Variants in LRRC41 observed in about 807,000 individuals in gnomAD.
LRRC41 encodes leucine-rich repeat-containing protein 41.
A neutral mutation model predicts 72.1 loss-of-function variants in LRRC41; 17 were observed. The ratio of observed to expected loss-of-function variants is 0.24; its 90% CI spans 0.16 to 0.35. The LOEUF (loss-of-function observed/expected upper bound fraction) is 0.35. LRRC41 is among the 10% of genes least tolerant of loss of function. The pLI, the probability that LRRC41 is intolerant of heterozygous loss-of-function variation, is 1.00. For missense variants in LRRC41, 759 were observed against 1,065.0 expected (o/e 0.71, Z 4.00); for synonymous variants, 427 against 431.0 (o/e 0.99, Z 0.11).
chr1:46,297,709 C>CA, intron 2 of LRRC41, 76 bp from the exon 3 acceptor site: 1 of 1,107,888 alleles, frequency 9.0e-7, no homozygotes, highest in South Asian at 1.2e-5. Flanking sequence ...ATGTTGTCTT[C>CA]TGGGTTCACA....
In LRRC41 at chr1:46,285,997, C is replaced by G. The variant is rs564058071; in HGVS notation, c.860G>C (p.Arg287Pro). ...RDEGSLLLGSRRPRRDAAERC... is the reference protein window; with the variant it reads ...RDEGSLLLGSPRPRRDAAERC... Reference sequence around the variant, plus strand: ...CTCAGCAGCATCCCGGCGGGGCCGACGTGAGCCCAATAAGAGGGACCCTTC... The same window carrying G: ...CTCAGCAGCATCCCGGCGGGGCCGAGGTGAGCCCAATAAGAGGGACCCTTC... Residue 287 changes from arginine (R) to proline (P), a missense_variant, in exon 4 of 10, where the codon CGT becomes CCT. This residue lies in a region of LRRC41 where 427 missense variants were observed against 520.9 expected (regional missense o/e 0.82). Coordinates refer to ENST00000617190, the MANE Select transcript of LRRC41 (RefSeq NM_006369.5). The surrounding 1 kb of genome is among the most constrained non-coding windows in gnomAD (Gnocchi z 5.3). The G allele has an allele frequency of 9.0e-6, 14 of 1,553,206 alleles. No individual in the cohort carries two copies. The highest frequency in any genetic ancestry group is 1.1e-5 in the Non-Finnish European group (13 of 1,149,426).
In LRRC41 at chr1:46,302,330, GT is replaced by G. The variant is rs1458525873; in HGVS notation, c.199+793del. 3 of 985,212 alleles carry G rather than the reference GT, an allele frequency of 3.0e-6. No individual in the cohort carries two copies. Among genetic ancestry groups the G allele is most frequent in the African/African-American group, 3.5e-5 (2 of 57,206 alleles). The allele number at this position is 985,212 out of a possible 1,614,324, so 61.0% of individuals were successfully genotyped here. A position where few individuals can be genotyped will look rare whatever the true frequency, so the allele number is the denominator to read the frequency against. Reference sequence around the variant, plus strand: ...TCCGTCATTCGAGCCTCCCTCGCTTGTTTAAGCCGCTCCGGGCCCCCCTCCA... The same window carrying G: ...TCCGTCATTCGAGCCTCCCTCGCTTGTTAAGCCGCTCCGGGCCCCCCTCCA... On this transcript the variant is annotated intron_variant, in intron 1 of 9. Transcript: ENST00000617190. This position sits in a 1 kb window ranked among gnomAD's most constrained non-coding sequence, Gnocchi z 4.7.
At chr1:46,297,069 C>G (rs1258924542) in intron 3 of LRRC41, 2 of 152,948 alleles carry the variant, frequency 1.3e-5, no homozygotes, top group African/African-American at 2.4e-5. Flanking sequence ...TGTCCTTCAG[C>G]CTATACTATA....
At chr1:46,303,002 C>G (rs1368670643) in intron 1 of LRRC41, 122 bp downstream of exon 1, 4 of 1,313,238 alleles carry the variant, frequency 3.0e-6, no homozygotes, top group Non-Finnish European at 3.9e-6. Context: ...ATCCTACGAG[C>G]TGGCTTTCAG....
Position 46,279,746 on chromosome 1 carries a change from C to G in LRRC41, c.2021-132G>C, listed in dbSNP as rs2148311294. 1.9e-6 allele frequency: 2 copies of G among 1,045,562 alleles called. No homozygotes were observed. Among genetic ancestry groups the G allele is most frequent in the South Asian group, 1.5e-5 (1 of 64,684 alleles). The allele number at this position is 1,045,562 out of a possible 1,614,324, so 64.8% of individuals were successfully genotyped here. ...AAAGAGGAAGGAATTTGTCTAGACT[C>G]CAAGCAAGGCTGGAACTAAATCAGA... is the stretch of plus-strand genomic sequence containing the variant. On this transcript the variant is annotated intron_variant, in intron 7 of 9. Transcript: ENST00000617190. This position sits in a 1 kb window ranked among gnomAD's most constrained non-coding sequence, Gnocchi z 4.5.
In LRRC41 at chr1:46,303,393, G is replaced by T; in HGVS notation, c.-71C>A. 1.5e-6 allele frequency: 2 copies of T among 1,338,760 alleles called. No homozygotes were observed. The highest frequency in any genetic ancestry group is 2.0e-6 in the Non-Finnish European group (2 of 1,009,562). The allele number at this position is 1,338,760 out of a possible 1,614,324, so 82.9% of individuals were successfully genotyped here. A position where few individuals can be genotyped will look rare whatever the true frequency, so the allele number is the denominator to read the frequency against. On this transcript the variant is annotated 5_prime_UTR_variant, in exon 1 of 10. Transcript: ENST00000617190. ...TCTTGAAAAGGTCAGCAGTTAGGAC[G>T]GCTCCATAAGCGATATGGGGAAGAA...
Position 46,277,696 on chromosome 1 carries a change from C to A in LRRC41, c.*1169G>T. 1 of 1,179,182 alleles carries A rather than the reference C, an allele frequency of 8.5e-7. No individual in the cohort carries two copies. Among genetic ancestry groups the A allele is most frequent in the Non-Finnish European group, 1.2e-6 (1 of 804,430 alleles). The allele number at this position is 1,179,182 out of a possible 1,614,324, so 73.0% of individuals were successfully genotyped here. The stretch of plus-strand genomic sequence containing the variant: ...TAGAGATAATGTTCTGGGACTCATA[C>A]TTTTTATTCATCTCCTCTTCTCGGG... On this transcript the variant is annotated 3_prime_UTR_variant, in exon 10 of 10. Coordinates refer to ENST00000617190, the MANE Select transcript of LRRC41 (RefSeq NM_006369.5).
At position 46,302,349 on chromosome 1, in the gene LRRC41, C is replaced by T. The variant is rs1569671906; in HGVS notation, c.199+775G>A. The T allele has an allele frequency of 7.1e-6, 7 of 985,364 alleles. No individual in the cohort carries two copies. The highest frequency in any genetic ancestry group is 8.4e-6 in the Non-Finnish European group (7 of 829,854). The allele number at this position is 985,364 out of a possible 1,614,324, so 61.0% of individuals were successfully genotyped here. A position where few individuals can be genotyped will look rare whatever the true frequency, so the allele number is the denominator to read the frequency against. ...TCGCTTGTTTAAGCCGCTCCGGGCCCCCCTCCACTCGCTCTCCGGTCCCTC... is the reference window on the plus strand; with the variant it reads ...TCGCTTGTTTAAGCCGCTCCGGGCCTCCCTCCACTCGCTCTCCGGTCCCTC... On this transcript the variant is annotated intron_variant, in intron 1 of 9. Transcript: ENST00000617190. The surrounding 1 kb of genome is among the most constrained non-coding windows in gnomAD (Gnocchi z 4.7).
In LRRC41 at chr1:46,302,115, C is replaced by T. The variant is rs1354785103; in HGVS notation, c.199+1009G>A. 1.0e-6 allele frequency: 1 copy of T among 985,366 alleles called. No individual in the cohort carries two copies. The highest frequency in any genetic ancestry group is 1.7e-5 in the African/African-American group (1 of 57,360). The allele number at this position is 985,366 out of a possible 1,614,324, so 61.0% of individuals were successfully genotyped here. A position where few individuals can be genotyped will look rare whatever the true frequency, so the allele number is the denominator to read the frequency against. The stretch of plus-strand genomic sequence containing the variant: ...GTTCGCCCTCCCCGGCCGTTCATCC[C>T]GGCGCCCCAGGCCGCCCTCCATCCA... On this transcript the variant is annotated intron_variant, in intron 1 of 9. Coordinates refer to ENST00000617190, the MANE Select transcript of LRRC41 (RefSeq NM_006369.5). The surrounding 1 kb of genome is among the most constrained non-coding windows in gnomAD (Gnocchi z 4.7).
At position 46,286,594 on chromosome 1, in the gene LRRC41, G is replaced by GCAA; in HGVS notation, c.358-98_358-96dup. ...AATAGCACACTATTTACTGAGTCAG[G>GCAA]CAACACTACAAATTCATTTAATCTT... On this transcript the variant is annotated intron_variant, in intron 3 of 9. Transcript: ENST00000617190. This position sits in a 1 kb window ranked among gnomAD's most constrained non-coding sequence, Gnocchi z 5.5. 1 of 1,133,512 alleles carries GCAA rather than the reference G, an allele frequency of 8.8e-7. No homozygotes were observed. The highest frequency in any genetic ancestry group is 1.3e-6 in the Non-Finnish European group (1 of 799,870). 70.2% of individuals were successfully genotyped at this position (1,133,512 alleles called of 1,614,324 possible). A position where few individuals can be genotyped will look rare whatever the true frequency, so the allele number is the denominator to read the frequency against.
chr1:46,282,430 G>A (rs1660798426), intron 4 of LRRC41, among the ~76,000 whole-genome samples: 1 of 152,194 alleles, frequency 6.6e-6, no homozygotes, highest in African/African-American at 2.4e-5. Flanking sequence ...ACTACCCAGT[G>A]CCTACTAAAT....
chr1:46,282,016 T>G (rs1407460751), intron 4 of LRRC41, among the ~76,000 whole-genome samples: 1 of 151,336 alleles, frequency 6.6e-6, no homozygotes, highest in Non-Finnish European at 1.5e-5. Context: ...GAGACGGAGG[T>G]TGCAGTGAGC....
intron 4 of LRRC41, among the ~76,000 whole-genome samples, chr1:46,281,892 A>C (rs1341705934): frequency 6.6e-6 from 1 of 152,198 alleles, no homozygotes; most frequent in Non-Finnish European, 1.5e-5. Context: ...CAGCCTGGCC[A>C]ACATGGTGAA....
chr1:46,298,186 C>A, intron 2 of LRRC41, 98 bp downstream of exon 2: 1 of 855,014 alleles, frequency 1.2e-6, no homozygotes, highest in Non-Finnish European at 1.8e-6. Flanking sequence ...TTGAAAAGCA[C>A]GAAGTTCTAG....
chr1:46,279,399 T>C lies in LRRC41; in HGVS notation c.2143+93A>G. ...AATATCTGTATTCCAACTCCCACGT[T>C]CCCAGTGGAGAGGTCTTTGCCTTTA... On this transcript the variant is annotated intron_variant, in intron 8 of 9. Coordinates refer to ENST00000617190, the MANE Select transcript of LRRC41 (RefSeq NM_006369.5). This position sits in a 1 kb window ranked among gnomAD's most constrained non-coding sequence, Gnocchi z 4.5. 1 of 1,594,144 alleles carries C rather than the reference T, an allele frequency of 6.3e-7. No homozygotes were observed. Among genetic ancestry groups the C allele is most frequent in the Non-Finnish European group, 8.6e-7 (1 of 1,162,166 alleles).
intron 3 of LRRC41, among the ~76,000 whole-genome samples, chr1:46,292,792 A>AT (rs553280272): frequency 6.6e-6 from 1 of 152,002 alleles, no homozygotes; most frequent in Non-Finnish European, 1.5e-5. Flanking sequence ...TGGCATTTTC[A>AT]TTTTTTTAAT....
At chr1:46,281,097 A>G in intron 5 of LRRC41, 28 bp downstream of exon 5, 1 of 1,611,108 alleles carries the variant, frequency 6.2e-7, no homozygotes, top group South Asian at 1.1e-5. Flanking sequence ...GTGCGTGCAC[A>G]CACACAAACA....
chr1:46,293,390 C>G (rs1044401273), intron 3 of LRRC41, among the ~76,000 whole-genome samples: 1 of 151,900 alleles, frequency 6.6e-6, no homozygotes, highest in African/African-American at 2.4e-5. Flanking sequence ...GAGGCGCACA[C>G]CAGCACCCCC....
chr1:46,280,926 C>T (rs1252835268), intron 5 of LRRC41, among the ~76,000 whole-genome samples, 199 bp downstream of exon 5: 1 of 152,198 alleles, frequency 6.6e-6, no homozygotes, highest in East Asian at 1.9e-4. Flanking sequence ...TGGTCACTCT[C>T]TGCTGGTCTT....
Sources: gnomAD v4.1 joint callset for allele counts (sites outside exome capture counted in the v4.1 genomes callset) on GRCh38, gnomAD v4.1.1 for gene constraint, gnomAD v4.1.1 regional missense constraint, Gnocchi (gnomAD v3.1) non-coding constraint, MANE v1.5 for transcripts, NCBI Gene and HGNC (gene_info 2026-07-23, HGNC 2026-07-21) for gene names.